Variants in HPSE2 observed in about 807,000 individuals in gnomAD.
HPSE2 encodes the protein heparanase 2 (inactive).
Under a neutral mutation model 60.5 loss-of-function variants are expected in HPSE2, and 38 were observed. That is an observed-to-expected ratio of 0.63 (90% CI 0.48 to 0.82). HPSE2 has a LOEUF of 0.82. Ranked by LOEUF, HPSE2 falls within the 40% of genes least tolerant of loss-of-function variation. The pLI, the probability that HPSE2 is intolerant of heterozygous loss-of-function variation, is 0.00. For synonymous variants in HPSE2, 295 were observed against 293.2 expected, an observed-to-expected ratio of 1.01 and a Z score of -0.06; for missense variants, 713 against 740.4, an observed-to-expected ratio of 0.96 and a Z score of 0.43.
chr10:98,467,870 G>C (rs10883106), intron 11 of HPSE2, among the ~76,000 whole-genome samples: 25,873 of 152,300 alleles, frequency 0.17, 2,420 homozygotes, highest in African/African-American at 0.23. Context: ...CGTGCGAAAC[G>C]GGACTGCAAT....
intron 1 of HPSE2, among the ~76,000 whole-genome samples, chr10:99,233,106 C>G (rs1039652753): frequency 6.6e-6 from 1 of 152,200 alleles, no homozygotes; most frequent in Non-Finnish European, 1.5e-5. Flanking sequence ...TCCTTTTTCA[C>G]TATATTGTAA....
At chr10:98,883,869 C>T (rs1953093385) in intron 3 of HPSE2, among the ~76,000 whole-genome samples, 1 of 152,030 alleles carries the variant, frequency 6.6e-6, no homozygotes, top group Admixed American at 6.6e-5. Context: ...GAAAGAGTCA[C>T]ATGTTTCTCA....
chr10:99,122,899 C>G (rs1413726195), intron 3 of HPSE2, among the ~76,000 whole-genome samples: 2 of 151,976 alleles, frequency 1.3e-5, no homozygotes, highest in East Asian at 3.8e-4. Context: ...GAAATCAAAA[C>G]AGTATACCAT....
chr10:99,066,258 A>C (rs910357152), intron 3 of HPSE2, among the ~76,000 whole-genome samples: 2 of 152,214 alleles, frequency 1.3e-5, no homozygotes, highest in Non-Finnish European at 2.9e-5. Context: ...ATCCATTTTC[A>C]ATTAAGCAAT....
At chr10:98,487,677 C>T (rs982256672) in intron 10 of HPSE2, among the ~76,000 whole-genome samples, 3 of 152,198 alleles carry the variant, frequency 2.0e-5, no homozygotes, top group African/African-American at 7.2e-5. Flanking sequence ...AAGTTTATAC[C>T]TTCTCCCCAA....
intron 9 of HPSE2, among the ~76,000 whole-genome samples, chr10:98,608,895 G>A (rs185998929): frequency 8.9e-4 from 135 of 151,428 alleles, no homozygotes; most frequent in Non-Finnish European, 1.5e-3. Context: ...TGCCTCCCCC[G>A]CCCTACCACC....
At position 98,955,112 on chromosome 10, in the gene HPSE2, A is replaced by G. The variant is rs540870128; in HGVS notation, c.610+189126T>C. Among the ~76,000 whole-genome samples, 16 of 152,016 alleles carry G rather than the reference A, an allele frequency of 1.1e-4. No individual in the cohort carries two copies. In the South Asian group the frequency reaches 3.1e-3, roughly 30 times the overall value. On this transcript the variant is annotated intron_variant, in intron 3 of 11. Transcript: ENST00000370552. ...CAGAATCATAGAGACAAATGCTGATATAAGTGGAAGGAATTTTAACCTATG... is the reference window on the plus strand; with the variant it reads ...CAGAATCATAGAGACAAATGCTGATGTAAGTGGAAGGAATTTTAACCTATG...
intron 9 of HPSE2, among the ~76,000 whole-genome samples, chr10:98,591,148 A>C (rs1336628471): frequency 6.6e-6 from 1 of 151,982 alleles, no homozygotes; most frequent in Non-Finnish European, 1.5e-5. Flanking sequence ...AGAGCCCCTG[A>C]CACTGCCACT....
chr10:99,185,880 G>A (rs993701850), intron 2 of HPSE2, among the ~76,000 whole-genome samples: 8 of 151,826 alleles, frequency 5.3e-5, no homozygotes, highest in Non-Finnish European at 7.4e-5. Flanking sequence ...TAGATCAATA[G>A]AAATTATCTA....
Position 99,003,271 on chromosome 10 carries a change from G to A in HPSE2, c.610+140967C>T, listed in dbSNP as rs570424628. 1.3e-3 allele frequency among the ~76,000 whole-genome samples: 191 copies of A among 152,032 alleles called. 1 individual carries two copies. The South Asian group carries it at 0.037, about 30-fold the overall frequency. The stretch of plus-strand genomic sequence containing the variant: ...TCATTTGCTTGTGGACACTTAGATT[G>A]ATTCCATATATGGCTATTATGAATA... On this transcript the variant is annotated intron_variant, in intron 3 of 11. Transcript: ENST00000370552.
intron 2 of HPSE2, among the ~76,000 whole-genome samples, chr10:99,184,822 AG>A (rs1354788337): frequency 1.2e-4 from 2 of 17,346 alleles, no homozygotes; most frequent in Non-Finnish European, 3.4e-4. Context: ...ATATATATAG[AG>A]AGAGAGAGAG....
At chr10:99,203,929 C>A (rs184218131) in intron 2 of HPSE2, among the ~76,000 whole-genome samples, 15 of 152,196 alleles carry the variant, frequency 9.9e-5, no homozygotes, top group Non-Finnish European at 1.5e-5. Context: ...AGATATGACC[C>A]CACAGGCCAA....
At chr10:98,629,390 CAG>C (rs1475838002) in intron 7 of HPSE2, among the ~76,000 whole-genome samples, 1 of 152,216 alleles carries the variant, frequency 6.6e-6, no homozygotes, top group Non-Finnish European at 1.5e-5. Context: ...TACCTACACA[CAG>C]AGCTCTTCTT....
At chr10:98,755,546 C>CCAA (rs1367538955) in intron 3 of HPSE2, among the ~76,000 whole-genome samples, 8 of 152,184 alleles carry the variant, frequency 5.3e-5, no homozygotes, top group Non-Finnish European at 1.5e-5. Flanking sequence ...AACACTCCAC[C>CCAA]CAACAACAAC....
intron 3 of HPSE2, among the ~76,000 whole-genome samples, chr10:99,087,577 T>C (rs976078661): frequency 1.3e-5 from 2 of 152,202 alleles, no homozygotes; most frequent in African/African-American, 2.4e-5. Context: ...AAATGATGCA[T>C]GAAGGCTGCG....
At chr10:99,196,684 A>G (rs1373677462) in intron 2 of HPSE2, among the ~76,000 whole-genome samples, 1 of 152,218 alleles carries the variant, frequency 6.6e-6, no homozygotes, top group Non-Finnish European at 1.5e-5. Flanking sequence ...CCCAGTTAAA[A>G]TGGCTTACAT....
At chr10:99,041,805 G>C (rs1589562820) in intron 3 of HPSE2, among the ~76,000 whole-genome samples, 1 of 152,140 alleles carries the variant, frequency 6.6e-6, no homozygotes, top group Admixed American at 6.5e-5. Context: ...AGCTCACAGA[G>C]ATAACCGACA....
intron 3 of HPSE2, among the ~76,000 whole-genome samples, chr10:98,834,284 T>C (rs1951745123): frequency 6.6e-6 from 1 of 152,254 alleles, no homozygotes; most frequent in African/African-American, 2.4e-5. Flanking sequence ...ACTAATTCCA[T>C]TAATCCATTA....
intron 9 of HPSE2, among the ~76,000 whole-genome samples, chr10:98,546,865 C>G (rs879608663): frequency 0.023 from 3,378 of 148,206 alleles, 120 homozygotes; most frequent in African/African-American, 0.081. Flanking sequence ...GAGTGAACAG[C>G]CAACCTACAG....
Sources: allele counts gnomAD v4.1 joint callset (sites outside exome capture counted in the v4.1 genomes callset), GRCh38; gene constraint gnomAD v4.1.1; transcripts MANE v1.5; gene names NCBI Gene and HGNC (gene_info 2026-07-23, HGNC 2026-07-21).